Variants in HELZ observed in about 807,000 individuals in gnomAD.
HELZ encodes the protein ATP-dependent RNA helicase with zinc finger domain.
Under a neutral mutation model 218.2 loss-of-function variants are expected in HELZ, and 23 were observed. The observed-to-expected ratio is 0.11, with a 90% confidence interval of 0.08 to 0.15. The LOEUF is 0.15. Among genes scored for constraint, HELZ ranks in the 10% least tolerant of loss-of-function variants. The pLI is 1.00. For synonymous variants in HELZ, 814 were observed against 829.4 expected (o/e 0.98, Z 0.32); for missense variants, 1,813 against 2,353.7 (o/e 0.77, Z 4.75).
At chr17:67,113,346 G>A (rs1025191738) in intron 28 of HELZ, among the ~76,000 whole-genome samples, 7 of 151,822 alleles carry the variant, frequency 4.6e-5, no homozygotes, top group African/African-American at 7.3e-5. Flanking sequence ...TGCAAGCTCC[G>A]CCTCCTGGGT....
intron 17 of HELZ, among the ~76,000 whole-genome samples, chr17:67,155,465 A>T (rs987823463): frequency 2.6e-5 from 4 of 152,258 alleles, no homozygotes; most frequent in Non-Finnish European, 4.4e-5. Flanking sequence ...AATGAAAAAC[A>T]GTAAGTATTA....
chr17:67,237,662 G>A (rs1434282049), intron 3 of HELZ, among the ~76,000 whole-genome samples: 1 of 152,184 alleles, frequency 6.6e-6, no homozygotes, highest in Non-Finnish European at 1.5e-5. Flanking sequence ...CTTAGCCAGA[G>A]TGCAAAAGGG....
intron 3 of HELZ, chr17:67,225,395 T>A (rs2040863197): frequency 6.1e-6 from 1 of 164,804 alleles, no homozygotes. Context: ...ACGACACTGA[T>A]TCTGAGCCCA....
chr17:67,192,243 T>C (rs2039917342), intron 9 of HELZ, among the ~76,000 whole-genome samples: 1 of 151,932 alleles, frequency 6.6e-6, no homozygotes, highest in Non-Finnish European at 1.5e-5. Context: ...AAATATAATA[T>C]AAAACTATAA....
intron 4 of HELZ, among the ~76,000 whole-genome samples, chr17:67,217,123 T>G (rs906792248): frequency 1.1e-4 from 16 of 152,202 alleles, no homozygotes; most frequent in Admixed American, 9.2e-4. Flanking sequence ...GCTGGGTATC[T>G]GAATGACATC....
intron 15 of HELZ, among the ~76,000 whole-genome samples, chr17:67,165,887 T>A (rs1022990171): frequency 6.6e-6 from 1 of 152,170 alleles, no homozygotes; most frequent in East Asian, 1.9e-4. Flanking sequence ...ATCCCAGAAC[T>A]CTGGCAAGAT....
rs1048998076 is a variant in HELZ, at chr17:67,078,291, G to A, written c.5790C>T (p.Ser1930=). ...AGTAAAAGCCATTGCTGCCAGATGA[G>A]CTCCCTAGGCTCAGTTCCTGGAAGA... The part of the protein sequence containing the change: ...LSLFQELSLG[S]SSGSNGFYSY... The change falls in exon 33 of 33, where the codon AGC becomes AGT. Residue 1930 remains serine (S), a synonymous_variant. Coordinates refer to ENST00000358691, the MANE Select transcript of HELZ (RefSeq NM_014877.4). The A allele has an allele frequency of 1.2e-6, 2 of 1,613,766 alleles. No individual in the cohort carries two copies. Among genetic ancestry groups the A allele is most frequent in the African/African-American group, 2.7e-5 (2 of 74,922 alleles).
chr17:67,084,252 AT>A (rs1257728707), intron 32 of HELZ, among the ~76,000 whole-genome samples: 1 of 152,258 alleles, frequency 6.6e-6, no homozygotes, highest in Non-Finnish European at 1.5e-5. Flanking sequence ...ATGACTTTAT[AT>A]TTGCAGAAAA....
At chr17:67,204,361 G>A (rs372303254) in intron 5 of HELZ, among the ~76,000 whole-genome samples, 51 of 151,980 alleles carry the variant, frequency 3.4e-4, no homozygotes, top group African/African-American at 5.6e-4. Flanking sequence ...ACTACTCAAC[G>A]AAGTTTTCAC....
chr17:67,206,435 T>C (rs1292887625), intron 5 of HELZ, among the ~76,000 whole-genome samples: 1 of 152,210 alleles, frequency 6.6e-6, no homozygotes, highest in Non-Finnish European at 1.5e-5. Context: ...TTGCTGGGGT[T>C]CCATAGCCTC....
At chr17:67,180,360 TA>T (rs969700778) in intron 12 of HELZ, among the ~76,000 whole-genome samples, 2 of 151,696 alleles carry the variant, frequency 1.3e-5, no homozygotes, top group African/African-American at 4.8e-5. Context: ...TAACTATCAT[TA>T]AAAAAAATAC....
intron 31 of HELZ, among the ~76,000 whole-genome samples, chr17:67,095,697 C>T (rs2036721976): frequency 6.6e-6 from 1 of 152,170 alleles, no homozygotes; most frequent in Admixed American, 6.5e-5. Context: ...TTCTTGAACC[C>T]CTCAAAGGCA....
chr17:67,235,046 C>G (rs1485474468), intron 3 of HELZ, among the ~76,000 whole-genome samples: 1 of 152,206 alleles, frequency 6.6e-6, no homozygotes, highest in Non-Finnish European at 1.5e-5. Flanking sequence ...GCCCCATTCT[C>G]TCTACAGATA....
At position 67,136,163 on chromosome 17, in the gene HELZ, G is replaced by A; in HGVS notation, c.2989C>T (p.Arg997Cys). ...QFRVLFLSTV[R>C]TRHTCKHKQT... Reference sequence around the variant, plus strand: ...TTATGTTTACAAGTATGTCTTGTACGTACTGTGCTAAGAAACAAAACTCTG... The same window carrying A: ...TTATGTTTACAAGTATGTCTTGTACATACTGTGCTAAGAAACAAAACTCTG... Residue 997 changes from arginine to cysteine, a missense_variant, in exon 23 of 33, where the codon CGT (arginine) becomes TGT (cysteine). Arg to Cys is a radical substitution (Grantham distance 180). Coordinates refer to ENST00000358691, the MANE Select transcript of HELZ (RefSeq NM_014877.4). 6.2e-7 allele frequency: 1 copy of A among 1,613,386 alleles called. No individual in the cohort carries two copies. Among genetic ancestry groups the A allele is most frequent in the Non-Finnish European group, 8.5e-7 (1 of 1,179,530 alleles).
At chr17:67,236,795 A>C (rs1288187470) in intron 3 of HELZ, among the ~76,000 whole-genome samples, 1 of 152,168 alleles carries the variant, frequency 6.6e-6, no homozygotes, top group Non-Finnish European at 1.5e-5. Context: ...TTAAATAATA[A>C]AGTTCTACCC....
chr17:67,094,901 T>TA (rs1283647688), intron 31 of HELZ, among the ~76,000 whole-genome samples: 2 of 152,204 alleles, frequency 1.3e-5, no homozygotes, highest in African/African-American at 2.4e-5. Flanking sequence ...ACTGTATTGC[T>TA]AAAAAATGCT....
intron 31 of HELZ, among the ~76,000 whole-genome samples, chr17:67,093,087 T>TA (rs1441316909): frequency 2.6e-5 from 4 of 152,220 alleles, no homozygotes; most frequent in African/African-American, 4.8e-5. Context: ...AGTGATGTTT[T>TA]AAAAATATTT....
Position 67,224,773 on chromosome 17 carries a change from G to T in HELZ, c.-18-5951C>A, listed in dbSNP as rs7214847. 4.8e-5 allele frequency: 56 copies of T among 1,177,544 alleles called. No individual in the cohort carries two copies. In the Admixed American group the frequency reaches 9.6e-4, roughly 20 times the overall value. 72.9% of individuals were successfully genotyped at this position (1,177,544 alleles called of 1,614,324 possible). A position where few individuals can be genotyped will look rare whatever the true frequency, so the allele number is the denominator to read the frequency against. On this transcript the variant is annotated intron_variant, in intron 3 of 32. Transcript: ENST00000358691. ...CCGCCGGACTTTCTGTAAGAAGTGT[G>T]GCAAGCACCAACCCCACAAAACGAC...
intron 3 of HELZ, among the ~76,000 whole-genome samples, chr17:67,230,165 G>C (rs1007996435): frequency 6.6e-6 from 1 of 152,028 alleles, no homozygotes; most frequent in African/African-American, 2.4e-5. Context: ...CCATTTTTCA[G>C]GGTTTCCAGC....
Sources: allele counts gnomAD v4.1 joint callset (sites outside exome capture counted in the v4.1 genomes callset), GRCh38; gene constraint gnomAD v4.1.1; transcripts MANE v1.5; gene names NCBI Gene and HGNC (gene_info 2026-07-23, HGNC 2026-07-21).